The following ROBO1 variants were observed in gnomAD, a reference collection of about 807,000 sequenced individuals.
ROBO1 encodes roundabout guidance receptor 1, also known as roundabout homolog 1.
ROBO1 carries 149 observed loss-of-function variants against 195.9 expected under a neutral mutation model. The observed-to-expected ratio is 0.76, with a 90% confidence interval of 0.67 to 0.87. The LOEUF (loss-of-function observed/expected upper bound fraction) is 0.87. ROBO1 is among the 40% of genes least tolerant of loss of function. The pLI is 0.00. For missense variants in ROBO1, 1,933 were observed against 2,068.3 expected, an observed-to-expected ratio of 0.93 and a Z score of 1.27; for synonymous variants, 816 against 733.2, an observed-to-expected ratio of 1.11 and a Z score of -1.82.
chr3:78,803,108 G>A (rs913830784), intron 4 of ROBO1, among the ~76,000 whole-genome samples: 3 of 152,222 alleles, frequency 2.0e-5, no homozygotes, highest in Non-Finnish European at 1.5e-5. Flanking sequence ...ACATGGGCTC[G>A]TGCATCAGAC....
chr3:78,729,493 T>C (rs1393820225), intron 5 of ROBO1, among the ~76,000 whole-genome samples: 1 of 152,176 alleles, frequency 6.6e-6, no homozygotes, highest in Non-Finnish European at 1.5e-5. Context: ...GTATGGCATT[T>C]TTCTGCTGGA....
chr3:79,716,546 A>G lies in ROBO1; in HGVS notation c.-51+51206T>C, dbSNP rs148746085. Among the ~76,000 whole-genome samples, 679 of 152,074 alleles carry G rather than the reference A, an allele frequency of 4.5e-3. 3 individuals are homozygous for G. The highest frequency in any genetic ancestry group is 0.015 in the African/African-American group (636 of 41,540). On this transcript the variant is annotated intron_variant, in intron 1 of 30. Coordinates refer to ENST00000464233, the MANE Select transcript of ROBO1 (RefSeq NM_002941.4). ...AAACAATACTATGATAATTTTTCAA[A>G]GTTCTGGGTCATAATGGGAGCAGGT...
rs1047489161 is a variant in ROBO1, at chr3:79,644,343, A to G, written c.-50-54382T>C. Among the ~76,000 whole-genome samples the G allele has an allele frequency of 6.6e-5, 10 of 152,280 alleles. No individual in the cohort carries two copies. In the East Asian group the frequency reaches 1.9e-3, roughly 29 times the overall value. On this transcript the variant is annotated intron_variant, in intron 1 of 30. Coordinates refer to ENST00000464233, the MANE Select transcript of ROBO1 (RefSeq NM_002941.4). The stretch of plus-strand genomic sequence containing the variant: ...TAGAAAGAGCAAAGTTAAACTACAT[A>G]TGTATTAATTTGTTTTCATGCTTCT...
chr3:79,569,701 GTGTGTGTGTATATATATA>G (rs1174656270), intron 2 of ROBO1, among the ~76,000 whole-genome samples: 2 of 151,122 alleles, frequency 1.3e-5, no homozygotes, highest in Non-Finnish European at 3.0e-5. Context: ...ATATATATAT[GTGTGTGTGTATATATATA>G]TGTGTGTGTA....
At chr3:79,756,987 A>G (rs966800852) in intron 1 of ROBO1, among the ~76,000 whole-genome samples, 1 of 152,196 alleles carries the variant, frequency 6.6e-6, no homozygotes, top group Non-Finnish European at 1.5e-5. Context: ...AGTGTGTATC[A>G]GAATTTCATT....
At chr3:79,206,771 G>A (rs2081875719) in intron 2 of ROBO1, among the ~76,000 whole-genome samples, 1 of 152,072 alleles carries the variant, frequency 6.6e-6, no homozygotes, top group African/African-American at 2.4e-5. Context: ...TCAGATTCTT[G>A]AAAGAAAAGG....
chr3:79,433,991 G>T (rs2038786357), intron 2 of ROBO1, among the ~76,000 whole-genome samples: 1 of 152,170 alleles, frequency 6.6e-6, no homozygotes, highest in South Asian at 2.1e-4. Context: ...AATAAATCGT[G>T]CTGGGAAAAC....
chr3:79,222,339 G>T (rs532086231), intron 2 of ROBO1, among the ~76,000 whole-genome samples: 4 of 152,132 alleles, frequency 2.6e-5, no homozygotes, highest in African/African-American at 9.6e-5. Flanking sequence ...TGGGGCAAAT[G>T]AAGTTGCCTC....
intron 1 of ROBO1, among the ~76,000 whole-genome samples, chr3:79,651,458 G>T (rs1329956616): frequency 6.6e-6 from 1 of 152,036 alleles, no homozygotes; most frequent in East Asian, 1.9e-4. Flanking sequence ...GTGTGAGAGA[G>T]TTAATTTTAA....
chr3:78,718,990 G>A (rs1052524593), intron 5 of ROBO1, among the ~76,000 whole-genome samples: 2 of 152,202 alleles, frequency 1.3e-5, no homozygotes, highest in African/African-American at 2.4e-5. Flanking sequence ...TCCCCTCACA[G>A]TTTTGAATGC....
chr3:79,120,725 T>C (rs17315187), intron 3 of ROBO1, among the ~76,000 whole-genome samples: 7,363 of 151,946 alleles, frequency 0.048, 252 homozygotes, highest in Non-Finnish European at 0.077. Flanking sequence ...TCTAGAATGT[T>C]AAAAAAATGC....
chr3:79,757,913 T>G (rs1048803535), intron 1 of ROBO1, among the ~76,000 whole-genome samples: 1 of 152,202 alleles, frequency 6.6e-6, no homozygotes, highest in African/African-American at 2.4e-5. Context: ...TTTAAAGAAT[T>G]CACCAAAAAT....
chr3:79,077,155 C>T (rs552967942), intron 3 of ROBO1, among the ~76,000 whole-genome samples: 18 of 151,940 alleles, frequency 1.2e-4, no homozygotes, highest in East Asian at 1.2e-3. Flanking sequence ...CATCTTATAA[C>T]GGAACGTTTT....
At chr3:78,927,388 A>G (rs2039281354) in intron 4 of ROBO1, among the ~76,000 whole-genome samples, 1 of 152,224 alleles carries the variant, frequency 6.6e-6, no homozygotes, top group South Asian at 2.1e-4. Flanking sequence ...AGTATGAAAT[A>G]TTACACAAAA....
intron 2 of ROBO1, among the ~76,000 whole-genome samples, chr3:79,194,437 C>T (rs927507074): frequency 3.3e-5 from 5 of 151,564 alleles, no homozygotes; most frequent in East Asian, 1.9e-4. Flanking sequence ...TTTCTTTATA[C>T]GACGTCACTT....
chr3:79,186,524 G>A (rs1175727578), intron 2 of ROBO1, among the ~76,000 whole-genome samples: 1 of 151,960 alleles, frequency 6.6e-6, no homozygotes, highest in African/African-American at 2.4e-5. Flanking sequence ...TTCTCAATCT[G>A]GGCCCTGCCA....
At chr3:79,571,646 A>T (rs892661473) in intron 2 of ROBO1, among the ~76,000 whole-genome samples, 5 of 143,724 alleles carry the variant, frequency 3.5e-5, no homozygotes, top group African/African-American at 1.1e-4. Flanking sequence ...TTTTCAAAAC[A>T]TAAAGTGATG....
chr3:79,750,200 G>C (rs1235559640), intron 1 of ROBO1, among the ~76,000 whole-genome samples: 1 of 152,192 alleles, frequency 6.6e-6, no homozygotes. Context: ...AATTGCATGG[G>C]GGCTGTGGCC....
intron 1 of ROBO1, among the ~76,000 whole-genome samples, chr3:79,591,475 C>T (rs763503464): frequency 1.1e-4 from 17 of 151,806 alleles, no homozygotes; most frequent in Admixed American, 2.0e-4. Context: ...CAACTTTGAT[C>T]TGAGCTAGAA....
Sources: gnomAD v4.1 joint callset for allele counts (sites outside exome capture counted in the v4.1 genomes callset) on GRCh38, gnomAD v4.1.1 for gene constraint, MANE v1.5 for transcripts, NCBI Gene and HGNC (gene_info 2026-07-23, HGNC 2026-07-21) for gene names.